The following CSMD1 variants were observed in gnomAD, a reference collection of about 807,000 sequenced individuals.
CSMD1 encodes CUB and sushi domain-containing protein 1.
In CSMD1, 213 loss-of-function variants were observed where a neutral mutation model predicts 417.5. The observed-to-expected ratio is 0.51, with a 90% confidence interval of 0.46 to 0.57. The LOEUF is 0.57. CSMD1 is among the 20% of genes least tolerant of loss of function. The probability of loss-of-function intolerance (pLI) is 0.00; values close to 1 mark genes in which losing one functional copy is unlikely to be tolerated. For missense variants in CSMD1, 6,923 were observed against 4,529.7 expected, an observed-to-expected ratio of 1.53 and a Z score of -15.17; for synonymous variants, 2,862 against 1,736.8, an observed-to-expected ratio of 1.65 and a Z score of -16.11.
chr8:3,093,463 T>C (rs1284498161), intron 47 of CSMD1, among the ~76,000 whole-genome samples: 1 of 152,120 alleles, frequency 6.6e-6, no homozygotes, highest in East Asian at 1.9e-4. Context: ...GGTCAGAAGT[T>C]TGAGACCAGC....
intron 1 of CSMD1, among the ~76,000 whole-genome samples, chr8:4,822,711 A>T (rs1799590490): frequency 6.6e-6 from 1 of 152,132 alleles, no homozygotes; most frequent in Non-Finnish European, 1.5e-5. Context: ...TCTCTCCTAT[A>T]TGTAAGCTTT....
rs943817910 is a variant in CSMD1 at position 3,730,619 on chromosome 8, T to C, written c.932-22128A>G. On this transcript the variant is annotated intron_variant, in intron 6 of 69. Coordinates refer to ENST00000635120, the MANE Select transcript of CSMD1 (RefSeq NM_033225.6). The stretch of plus-strand genomic sequence containing the variant: ...TGCCTACATGTGCACCTCTCACTTA[T>C]GTCATCCTCTAAAAAGCTTACATTT... Among the ~76,000 whole-genome samples, 8 of 152,174 alleles carry C rather than the reference T, an allele frequency of 5.3e-5. 1 individual carries two copies. The highest frequency in any genetic ancestry group is 2.0e-4 in the Admixed American group (3 of 15,282).
At chr8:3,269,937 A>G (rs993397588) in intron 26 of CSMD1, among the ~76,000 whole-genome samples, 6 of 152,260 alleles carry the variant, frequency 3.9e-5, no homozygotes, top group African/African-American at 1.4e-4. Context: ...AAGTGAAGGT[A>G]AACGCACATA....
At chr8:4,388,785 C>G (rs1803644726) in intron 3 of CSMD1, among the ~76,000 whole-genome samples, 2 of 152,184 alleles carry the variant, frequency 1.3e-5, no homozygotes, top group Admixed American at 6.5e-5. Flanking sequence ...GTATTCAGTC[C>G]TTGATCCTCC....
intron 44 of CSMD1, among the ~76,000 whole-genome samples, chr8:3,108,218 T>C (rs1287027157): frequency 6.6e-6 from 1 of 152,166 alleles, no homozygotes; most frequent in Non-Finnish European, 1.5e-5. Context: ...GTTCTACATA[T>C]CGTTTAGAGT....
chr8:3,444,188 T>C (rs928481910), intron 12 of CSMD1, among the ~76,000 whole-genome samples: 1 of 152,140 alleles, frequency 6.6e-6, no homozygotes, highest in Non-Finnish European at 1.5e-5. Flanking sequence ...GAAATATCAT[T>C]TGCCATTCAA....
At chr8:4,452,006 A>G (rs60357188) in intron 2 of CSMD1, among the ~76,000 whole-genome samples, 1,521 of 150,710 alleles carry the variant, frequency 0.01, 25 homozygotes, top group African/African-American at 0.034. Context: ...ATATAATGAA[A>G]TATTATCTTT....
intron 1 of CSMD1, among the ~76,000 whole-genome samples, chr8:4,817,521 A>G (rs1799275793): frequency 2.6e-5 from 4 of 152,232 alleles, no homozygotes; most frequent in Admixed American, 2.6e-4. Flanking sequence ...CCACAGGCAA[A>G]AGGCCAAGAC....
intron 2 of CSMD1, among the ~76,000 whole-genome samples, chr8:4,588,864 G>A (rs1289878934): frequency 6.6e-6 from 1 of 151,872 alleles, no homozygotes; most frequent in Non-Finnish European, 1.5e-5. Flanking sequence ...AGCTTCCACT[G>A]ACGCGAATGT....
At chr8:3,730,179 A>C in intron 6 of CSMD1, among the ~76,000 whole-genome samples, 1 of 151,948 alleles carries the variant, frequency 6.6e-6, no homozygotes, top group East Asian at 1.9e-4. Context: ...CCCCAAAATC[A>C]TGTCTCCAAC....
chr8:4,824,587 C>G (rs896851287), intron 1 of CSMD1, among the ~76,000 whole-genome samples: 5 of 152,146 alleles, frequency 3.3e-5, no homozygotes, highest in African/African-American at 1.2e-4. Context: ...GACAGTCTTT[C>G]AATTTCAAAG....
intron 23 of CSMD1, among the ~76,000 whole-genome samples, chr8:3,334,416 C>G (rs1008565248): frequency 1.3e-5 from 2 of 152,116 alleles, no homozygotes; most frequent in African/African-American, 4.8e-5. Context: ...CTGTCCAAAG[C>G]CACTCTCTCA....
intron 57 of CSMD1, among the ~76,000 whole-genome samples, chr8:2,972,395 T>A (rs537298779): frequency 6.6e-6 from 1 of 152,196 alleles, no homozygotes; most frequent in African/African-American, 2.4e-5. Flanking sequence ...GAAAATTTAA[T>A]TGAGGAGTTT....
chr8:3,108,220 G>A (rs80096318), intron 44 of CSMD1, among the ~76,000 whole-genome samples: 3 of 152,242 alleles, frequency 2.0e-5, no homozygotes, highest in South Asian at 2.1e-4. Context: ...TCTACATATC[G>A]TTTAGAGTGC....
chr8:4,908,507 T>A (rs76741773), intron 1 of CSMD1, among the ~76,000 whole-genome samples: 24,387 of 151,948 alleles, frequency 0.16, 2,093 homozygotes, highest in East Asian at 0.29. Context: ...TTGAAACCAT[T>A]CCATAGTTCT....
chr8:3,709,841 G>T (rs1028737354), intron 6 of CSMD1, among the ~76,000 whole-genome samples: 1 of 136,350 alleles, frequency 7.3e-6, no homozygotes, highest in South Asian at 2.7e-4. Flanking sequence ...TAGTAAATCT[G>T]TGTGTGTACG....
chr8:3,566,394 G>T (rs1799709132), intron 10 of CSMD1, among the ~76,000 whole-genome samples: 1 of 151,894 alleles, frequency 6.6e-6, no homozygotes. Context: ...AATACGAACG[G>T]ACCCAGGACA....
chr8:3,981,653 T>C (rs1813880404), intron 5 of CSMD1, among the ~76,000 whole-genome samples: 1 of 152,162 alleles, frequency 6.6e-6, no homozygotes, highest in African/African-American at 2.4e-5. Context: ...ATTATGTCTC[T>C]TGTCATAGTT....
At chr8:3,099,965 A>G (rs1815611951) in intron 46 of CSMD1, among the ~76,000 whole-genome samples, 1 of 152,144 alleles carries the variant, frequency 6.6e-6, no homozygotes. Flanking sequence ...TAAAATACTT[A>G]GCAATACTTT....
Sources: gnomAD v4.1 joint callset for allele counts (sites outside exome capture counted in the v4.1 genomes callset) on GRCh38, gnomAD v4.1.1 for gene constraint, MANE v1.5 for transcripts, NCBI Gene and HGNC (gene_info 2026-07-23, HGNC 2026-07-21) for gene names.